The following ZNF362 variants were observed in gnomAD, a reference collection of about 807,000 sequenced individuals.
ZNF362 encodes the protein zinc finger protein 362, also known as rotund homolog.
In ZNF362, 11 loss-of-function variants were observed where a neutral mutation model predicts 42.9. That is an observed-to-expected ratio of 0.26 (90% CI 0.16 to 0.42). ZNF362 has a LOEUF of 0.42. ZNF362 is among the 20% of genes least tolerant of loss of function. ZNF362 has a pLI of 1.00. For synonymous variants in ZNF362, 255 were observed against 257.3 expected, an observed-to-expected ratio of 0.99 and a Z score of 0.09; for missense variants, 362 against 576.2, an observed-to-expected ratio of 0.63 and a Z score of 3.81.
At chr1:33,159,781 C>A in the ZNF362 span, 4 of 1,613,620 alleles carry the variant, frequency 2.5e-6, no homozygotes, top group African/African-American at 5.3e-5. This position sits in a 1 kb window ranked among gnomAD's most constrained non-coding sequence, Gnocchi z 4.2. Context: ...CTGGACCTTG[C>A]GCAGCTGCTG....
At chr1:33,192,161 C>T in the ZNF362 span, among the ~76,000 whole-genome samples, 2 of 152,148 alleles carry the variant, frequency 1.3e-5, no homozygotes, top group Non-Finnish European at 2.9e-5. Context: ...ACTAATTTGA[C>T]CCTATCATTT....
At chr1:33,189,345 T>C in the ZNF362 span, among the ~76,000 whole-genome samples, 1 of 151,992 alleles carries the variant, frequency 6.6e-6, no homozygotes, top group South Asian at 2.1e-4. Context: ...TGTAGTTTAT[T>C]TGTGACCTCT....
chr1:33,162,594 A>G, the ZNF362 span, among the ~76,000 whole-genome samples: 1 of 152,144 alleles, frequency 6.6e-6, no homozygotes, highest in Non-Finnish European at 1.5e-5. Context: ...AGGAGGGAAG[A>G]GTCTTGTCTG....
chr1:33,253,821 A>G (rs184681554), upstream of ZNF362, among the ~76,000 whole-genome samples: 398 of 152,350 alleles, frequency 2.6e-3, 6 homozygotes, highest in African/African-American at 9.3e-3. Flanking sequence ...CTGCTCAGCA[A>G]TGCCGTGATT....
At chr1:33,256,752 G>A (rs1448548030) in intron 1 of ZNF362, 98 bp downstream of exon 1, 15 of 145,890 alleles carry the variant, frequency 1.0e-4, no homozygotes, top group Non-Finnish European at 2.1e-4. Flanking sequence ...GGCCGGGCCG[G>A]GGCGCGGGCG....
upstream of ZNF362, among the ~76,000 whole-genome samples, chr1:33,255,759 C>G (rs1645783621): frequency 6.6e-6 from 1 of 152,100 alleles, no homozygotes; most frequent in Non-Finnish European, 1.5e-5. Flanking sequence ...CTCCCCACCC[C>G]TATGTCCTCG....
the ZNF362 span, among the ~76,000 whole-genome samples, chr1:33,161,490 C>T: frequency 6.6e-6 from 1 of 152,176 alleles, no homozygotes. The surrounding 1 kb of genome is among the most constrained non-coding windows in gnomAD (Gnocchi z 4.3). Flanking sequence ...TCAATTAGGG[C>T]CTGTTCCCTC....
chr1:33,202,804 A>G, the ZNF362 span, among the ~76,000 whole-genome samples: 2 of 152,140 alleles, frequency 1.3e-5, no homozygotes, highest in African/African-American at 2.4e-5. Context: ...TGTGCTAGGA[A>G]CAATAGTGGA....
the ZNF362 span, among the ~76,000 whole-genome samples, chr1:33,226,501 A>G: frequency 6.6e-6 from 1 of 152,222 alleles, no homozygotes; most frequent in Non-Finnish European, 1.5e-5. Flanking sequence ...CATATAATGA[A>G]ACATCATTTG....
the ZNF362 span, among the ~76,000 whole-genome samples, chr1:33,221,116 G>C: frequency 5.3e-5 from 8 of 152,194 alleles, no homozygotes; most frequent in African/African-American, 1.9e-4. Context: ...CCATCAGCCC[G>C]AGGCGTGGAG....
intron 1 of ZNF362, among the ~76,000 whole-genome samples, chr1:33,267,369 T>C (rs1172353819): frequency 2.0e-5 from 3 of 152,214 alleles, no homozygotes; most frequent in African/African-American, 7.2e-5. Context: ...GTTAGCATTT[T>C]GGTGTTTTCT....
chr1:33,296,890 A>G (rs1646128737), intron 8 of ZNF362, among the ~76,000 whole-genome samples: 1 of 150,390 alleles, frequency 6.6e-6, no homozygotes, highest in Non-Finnish European at 1.5e-5. Context: ...GGCTGGAATC[A>G]AAATCCTGGG....
chr1:33,199,051 G>A, the ZNF362 span, among the ~76,000 whole-genome samples: 1 of 152,244 alleles, frequency 6.6e-6, no homozygotes, highest in Non-Finnish European at 1.5e-5. Context: ...ATAATTTAAA[G>A]CAGCCTAACA....
chr1:33,178,865 G>C, the ZNF362 span, among the ~76,000 whole-genome samples: 1 of 152,212 alleles, frequency 6.6e-6, no homozygotes, highest in Non-Finnish European at 1.5e-5. Flanking sequence ...GTGTCCCCCA[G>C]GTCATGGGAT....
At chr1:33,174,974 CAT>C in the ZNF362 span, among the ~76,000 whole-genome samples, 2 of 128,722 alleles carry the variant, frequency 1.6e-5, no homozygotes, top group African/African-American at 6.6e-5. Context: ...TATATACACA[CAT>C]ATACATATAT....
rs1645991686 is a variant in ZNF362 at position 33,281,220 on chromosome 1, G to A, written c.684-367G>A. Among the ~76,000 whole-genome samples, 1 of 152,190 alleles carries A rather than the reference G, an allele frequency of 6.6e-6. No individual in the cohort carries two copies. On this transcript the variant is annotated intron_variant, in intron 5 of 8. Transcript: ENST00000539719. The surrounding 1 kb of genome is among the most constrained non-coding windows in gnomAD (Gnocchi z 4.8). The stretch of plus-strand genomic sequence containing the variant: ...GTGGGGCAGGCGTTGGTATTTCTTA[G>A]ACGCTCCCCAGATGATTCTAATGAG...
the ZNF362 span, among the ~76,000 whole-genome samples, chr1:33,205,868 G>A: frequency 0.92 from 140,106 of 152,024 alleles, 65,142 homozygotes; most frequent in South Asian, 0.98. Flanking sequence ...GTGAGCCAAG[G>A]TCGCACCACT....
the ZNF362 span, among the ~76,000 whole-genome samples, chr1:33,218,928 GACATAC>G: frequency 1.9e-4 from 13 of 69,526 alleles, no homozygotes; most frequent in African/African-American, 6.9e-4. Context: ...CCAGGAGCTG[GACATAC>G]ACACACACAC....
At chr1:33,210,463 C>T in the ZNF362 span, among the ~76,000 whole-genome samples, 1 of 152,140 alleles carries the variant, frequency 6.6e-6, no homozygotes, top group Non-Finnish European at 1.5e-5. Context: ...GAGATGAGTT[C>T]AAGTCCTGGA....
Sources: gnomAD v4.1 joint callset for allele counts (sites outside exome capture counted in the v4.1 genomes callset) on GRCh38, gnomAD v4.1.1 for gene constraint, Gnocchi (gnomAD v3.1) non-coding constraint, MANE v1.5 for transcripts, NCBI Gene and HGNC (gene_info 2026-07-23, HGNC 2026-07-21) for gene names.